MEGF8: variants seen among roughly 807,000 people sequenced by gnomAD.
The protein encoded by MEGF8 is multiple epidermal growth factor-like domains protein 8.
MEGF8 carries 156 observed loss-of-function variants against 302.9 expected under a neutral mutation model. The observed-to-expected ratio is 0.52, with a 90% CI of 0.45 to 0.59. The LOEUF (loss-of-function observed/expected upper bound fraction) is 0.59. Among genes scored for constraint, MEGF8 ranks in the 20% least tolerant of loss-of-function variants. MEGF8 has a pLI of 0.00. For missense variants in MEGF8, 3,345 were observed against 3,964.5 expected (o/e 0.84, Z 4.20); for synonymous variants, 1,621 against 1,660.5 (o/e 0.98, Z 0.58).
At position 42,353,400 on chromosome 19, in the gene MEGF8, C is replaced by A; in HGVS notation, c.3551-65C>A. 1 of 1,538,312 alleles carries A rather than the reference C, an allele frequency of 6.5e-7. No individual in the cohort carries two copies. Among genetic ancestry groups the A allele is most frequent in the Non-Finnish European group, 8.8e-7 (1 of 1,134,272 alleles). ...TGGGTGGGGTCAGGGTTTAGCTGAG[C>A]CAGTAGGCCTGGGCCTGTTTCCACC... is the stretch of plus-strand genomic sequence containing the variant. On this transcript the variant is annotated intron_variant, in intron 20 of 41. Transcript: ENST00000251268. This position sits in a 1 kb window ranked among gnomAD's most constrained non-coding sequence, Gnocchi z 6.1.
Position 42,354,474 on chromosome 19 carries a change from A to G in MEGF8, c.4012-114A>G, listed in dbSNP as rs1409898140. The G allele has an allele frequency of 1.6e-6, 2 of 1,220,888 alleles. No individual in the cohort carries two copies. Among genetic ancestry groups the G allele is most frequent in the East Asian group, 2.4e-5 (1 of 42,310 alleles). The allele number at this position is 1,220,888 out of a possible 1,614,324, so 75.6% of individuals were successfully genotyped here. ...GACAGTCTCCCCTGGATGTTCAAAC[A>G]GCCCATTTCCCAGTCTCAGATTGCC... On this transcript the variant is annotated intron_variant, in intron 22 of 41. Coordinates refer to ENST00000251268, the MANE Select transcript of MEGF8 (RefSeq NM_001271938.2). The surrounding 1 kb of genome is among the most constrained non-coding windows in gnomAD (Gnocchi z 4.3).
At position 42,358,241 on chromosome 19, in the gene MEGF8, C is replaced by G; in HGVS notation, c.5109C>G (p.Pro1703=). 2 of 1,604,856 alleles carry G rather than the reference C, an allele frequency of 1.2e-6. No individual in the cohort carries two copies. Among genetic ancestry groups the G allele is most frequent in the Non-Finnish European group, 1.7e-6 (2 of 1,176,218 alleles). ...ATGTGGAGCTGGCGGCCCCATCCCCCGAGCTCTACTCCCTGCACTGTCCTG... is the reference window on the plus strand; with the variant it reads ...ATGTGGAGCTGGCGGCCCCATCCCCGGAGCTCTACTCCCTGCACTGTCCTG... ...RFHVELAAPS[P]ELYSLHCPDR... The change falls in exon 29 of 42, where the codon CCC becomes CCG. Residue 1703 remains proline (P), a synonymous_variant. Transcript: ENST00000251268. The surrounding 1 kb of genome is among the most constrained non-coding windows in gnomAD (Gnocchi z 4.4).
Position 42,375,614 on chromosome 19 carries a change from C to A in MEGF8, c.7377C>A (p.Thr2459=). The A allele has an allele frequency of 6.2e-7, 1 of 1,606,824 alleles. No homozygotes were observed. Among genetic ancestry groups the A allele is most frequent in the Non-Finnish European group, 8.5e-7 (1 of 1,177,398 alleles). ...GCTGCCTGGACCCCACGTCCCAGACCAACTGCTTCCATGAGCCCAAACGCC... is the reference window on the plus strand; with the variant it reads ...GCTGCCTGGACCCCACGTCCCAGACAAACTGCTTCCATGAGCCCAAACGCC... ...QECCLDPTSQ[T]NCFHEPKRRA... Residue 2459 remains threonine (T), a synonymous_variant, in exon 42 of 42, where the codon ACC becomes ACA. Transcript: ENST00000251268. This position sits in a 1 kb window ranked among gnomAD's most constrained non-coding sequence, Gnocchi z 7.1.
rs1464438257 is a variant in MEGF8, at chr19:42,351,802, T to C, written c.3101+41T>C. The C allele has an allele frequency of 6.7e-7, 1 of 1,502,958 alleles. No individual in the cohort carries two copies. The highest frequency in any genetic ancestry group is 9.1e-7 in the Non-Finnish European group (1 of 1,103,670). 93.1% of individuals were successfully genotyped at this position (1,502,958 alleles called of 1,614,324 possible). A position where few individuals can be genotyped will look rare whatever the true frequency, so the allele number is the denominator to read the frequency against. Reference sequence around the variant, plus strand: ...TGGGTGGGCAGGGTGCCCGGCTGTGTCCTTCCTCCATGACCGGTCATTCTA... The same window carrying C: ...TGGGTGGGCAGGGTGCCCGGCTGTGCCCTTCCTCCATGACCGGTCATTCTA... On this transcript the variant is annotated intron_variant, in intron 18 of 41. Transcript: ENST00000251268. This position sits in a 1 kb window ranked among gnomAD's most constrained non-coding sequence, Gnocchi z 5.6.
At position 42,356,043 on chromosome 19, in the gene MEGF8, TGG is replaced by T. The variant is rs1208505187; in HGVS notation, c.4392+39_4393-38del. ...GAGGGCAAGTCTGGTGGGACAGGGC[TGG>T]TGATCAGGGCTCCCCTGAGTCCCTT... is the stretch of plus-strand genomic sequence containing the variant. On this transcript the variant is annotated intron_variant, in intron 24 of 41. Coordinates refer to ENST00000251268, the MANE Select transcript of MEGF8 (RefSeq NM_001271938.2). The surrounding 1 kb of genome is among the most constrained non-coding windows in gnomAD (Gnocchi z 5.2). 6.2e-7 allele frequency: 1 copy of T among 1,601,438 alleles called. No homozygotes were observed. Among genetic ancestry groups the T allele is most frequent in the Non-Finnish European group, 8.5e-7 (1 of 1,171,214 alleles).
intron 31 of MEGF8, among the ~76,000 whole-genome samples, chr19:42,359,939 C>T (rs557729906): frequency 6.6e-6 from 1 of 150,514 alleles, no homozygotes; most frequent in Non-Finnish European, 1.5e-5. Flanking sequence ...AAGCAGTCCA[C>T]CTGCCTCAGC....
chr19:42,353,923 T>G lies in MEGF8; in HGVS notation c.3910T>G (p.Trp1304Gly), dbSNP rs1429332615. 3 of 1,590,362 alleles carry G rather than the reference T, an allele frequency of 1.9e-6. No individual in the cohort carries two copies. The highest frequency in any genetic ancestry group is 1.1e-5 in the South Asian group (1 of 87,678). Reference sequence around the variant, plus strand: ...CGGGCCTGGCCTGTCCTACTGTGTGTGGGTTGTCTCGGCCACTGAGGAGCT... The same window carrying G: ...CGGGCCTGGCCTGTCCTACTGTGTGGGGGTTGTCTCGGCCACTGAGGAGCT... ...RAGPGLSYCVWVVSATEELQP... is the reference protein window; with the variant it reads ...RAGPGLSYCVGVVSATEELQP... The change falls in exon 22 of 42, where the codon TGG (tryptophan) becomes GGG (glycine). Residue 1304 changes from tryptophan (W) to glycine (G), a missense_variant. Coordinates refer to ENST00000251268, the MANE Select transcript of MEGF8 (RefSeq NM_001271938.2). This position sits in a 1 kb window ranked among gnomAD's most constrained non-coding sequence, Gnocchi z 6.1.
rs1307343226 is a variant in MEGF8, at chr19:42,336,368, C to T, written c.1244+22C>T. 6.4e-7 allele frequency: 1 copy of T among 1,564,602 alleles called. No individual in the cohort carries two copies. Among genetic ancestry groups the T allele is most frequent in the Non-Finnish European group, 8.6e-7 (1 of 1,156,082 alleles). On this transcript the variant is annotated intron_variant, in intron 6 of 41. Transcript: ENST00000251268. The surrounding 1 kb of genome is among the most constrained non-coding windows in gnomAD (Gnocchi z 4.8). ...CCCGGTAAGTGACCTGTCCCATAAC[C>T]CATGCTCCACAGGCCAGGCCCAGCT...
rs2039757542 is a variant in MEGF8, at chr19:42,375,731, G to A, written c.7494G>A (p.Gly2498=). ...GCCTGACGCTGGACGTGACCTTCGGGGCCGTGGACCTCTATGTCTCCACCT... is the reference window on the plus strand; with the variant it reads ...GCCTGACGCTGGACGTGACCTTCGGAGCCGTGGACCTCTATGTCTCCACCT... ...DIRLTLDVTF[G]AVDLYVSTSY... Residue 2498 remains glycine, a synonymous_variant, in exon 42 of 42, where the codon GGG becomes GGA. Transcript: ENST00000251268. The surrounding 1 kb of genome is among the most constrained non-coding windows in gnomAD (Gnocchi z 7.1). 1 of 1,612,168 alleles carries A rather than the reference G, an allele frequency of 6.2e-7. No homozygotes were observed. The highest frequency in any genetic ancestry group is 8.5e-7 in the Non-Finnish European group (1 of 1,179,520).
chr19:42,330,391 A>C (rs1183038050), intron 1 of MEGF8, among the ~76,000 whole-genome samples: 1 of 152,196 alleles, frequency 6.6e-6, no homozygotes, highest in Admixed American at 6.5e-5. Flanking sequence ...GGCCTCCAGC[A>C]GGCACTTAAC....
chr19:42,370,451 C>T, intron 39 of MEGF8, 92 bp downstream of exon 39: 1 of 1,212,654 alleles, frequency 8.2e-7, no homozygotes, highest in Non-Finnish European at 1.1e-6. Flanking sequence ...GACCTGGACC[C>T]TTGGGTTGAG....
intron 1 of MEGF8, among the ~76,000 whole-genome samples, chr19:42,328,017 C>A (rs1323353176): frequency 6.6e-6 from 1 of 152,178 alleles, no homozygotes; most frequent in Non-Finnish European, 1.5e-5. Context: ...ATCACTTGAA[C>A]CTGGAGGTTG....
In MEGF8 at chr19:42,369,137, C is replaced by T. The variant is rs1412672545; in HGVS notation, c.6641+135C>T. On this transcript the variant is annotated intron_variant, in intron 37 of 41. Transcript: ENST00000251268. This position sits in a 1 kb window ranked among gnomAD's most constrained non-coding sequence, Gnocchi z 5.7. ...AGGCATGAAGGCAGTGGGATTGATT[C>T]CTGAAGGTCAAGAGTGGTGAGGCTG... 1 of 1,211,320 alleles carries T rather than the reference C, an allele frequency of 8.3e-7. No homozygotes were observed. The highest frequency in any genetic ancestry group is 2.5e-5 in the East Asian group (1 of 39,780). The allele number at this position is 1,211,320 out of a possible 1,614,324, so 75.0% of individuals were successfully genotyped here.
chr19:42,333,654 A>G lies in MEGF8; in HGVS notation c.237A>G (p.Thr79=). The G allele has an allele frequency of 6.2e-7, 1 of 1,613,990 alleles. No individual in the cohort carries two copies. Among genetic ancestry groups the G allele is most frequent in the East Asian group, 2.2e-5 (1 of 44,872 alleles). The change falls in exon 2 of 42, where the codon ACA becomes ACG. Residue 79 remains threonine, a synonymous_variant. Coordinates refer to ENST00000251268, the MANE Select transcript of MEGF8 (RefSeq NM_001271938.2). ...TGCTGGACTTCCTTTTCCTGGACAC[A>G]GAGTGCACGTATGACTACCTGTTCG... ...RILLDFLFLD[T]ECTYDYLFVY...
Position 42,376,867 on chromosome 19 carries a change from T to C in MEGF8, c.*92T>C, listed in dbSNP as rs1600084028. On this transcript the variant is annotated 3_prime_UTR_variant, in exon 42 of 42. Coordinates refer to ENST00000251268, the MANE Select transcript of MEGF8 (RefSeq NM_001271938.2). The surrounding 1 kb of genome is among the most constrained non-coding windows in gnomAD (Gnocchi z 8.2). Reference sequence around the variant, plus strand: ...TCCACCTGGGGGCCCCTGGACACTGTCTACTTGGAGACCACTGGCCCCCTT... The same window carrying C: ...TCCACCTGGGGGCCCCTGGACACTGCCTACTTGGAGACCACTGGCCCCCTT... 1 of 1,352,246 alleles carries C rather than the reference T, an allele frequency of 7.4e-7. No individual in the cohort carries two copies. Among genetic ancestry groups the C allele is most frequent in the East Asian group, 2.7e-5 (1 of 36,376 alleles). The allele number at this position is 1,352,246 out of a possible 1,614,324, so 83.8% of individuals were successfully genotyped here.
Position 42,336,489 on chromosome 19 carries a change from T to A in MEGF8, c.1244+143T>A. ...CTTCCTTCATGTATTTACTTATTCC[T>A]TCGTTCACTCATTCATTCATTCACC... On this transcript the variant is annotated intron_variant, in intron 6 of 41. Coordinates refer to ENST00000251268, the MANE Select transcript of MEGF8 (RefSeq NM_001271938.2). This position sits in a 1 kb window ranked among gnomAD's most constrained non-coding sequence, Gnocchi z 4.8. The A allele has an allele frequency of 1.1e-6, 1 of 915,256 alleles. No individual in the cohort carries two copies. The highest frequency in any genetic ancestry group is 1.6e-6 in the Non-Finnish European group (1 of 628,658). 56.7% of individuals were successfully genotyped at this position (915,256 alleles called of 1,614,324 possible). A position where few individuals can be genotyped will look rare whatever the true frequency, so the allele number is the denominator to read the frequency against.
rs2038983733 is a variant in MEGF8 at position 42,326,368 on chromosome 19, G to C, written c.125G>C (p.Gly42Ala). The change falls in exon 1 of 42, where the codon GGC (glycine) becomes GCC (alanine). Residue 42 changes from glycine to alanine, a missense_variant. By Grantham distance (60) the Gly-to-Ala change is moderately conservative. Transcript: ENST00000251268. The part of the protein sequence containing the change: ...GQRQVLREAP[G>A]FVTDGAGNYS... ...CGGCAGGTGCTGCGGGAGGCGCCAGGCTTCGTGACGGATGGTGCGGGCAAC... is the reference window on the plus strand; with the variant it reads ...CGGCAGGTGCTGCGGGAGGCGCCAGCCTTCGTGACGGATGGTGCGGGCAAC... 3.1e-6 allele frequency: 5 copies of C among 1,588,944 alleles called. No homozygotes were observed. In the East Asian group the frequency reaches 1.2e-4, roughly 37 times the overall value.
intron 8 of MEGF8, among the ~76,000 whole-genome samples, chr19:42,337,506 CTTTT>C (rs908319656): frequency 2.2e-5 from 3 of 135,838 alleles, no homozygotes; most frequent in Admixed American, 7.4e-5. Flanking sequence ...CTTTTCTTTT[CTTTT>C]TTTTTTTTTT....
chr19:42,368,411 C>G lies in MEGF8; in HGVS notation c.6274-44C>G. ...ATGTGTTTGTTTAAGCTTATTTCCC[C>G]ATCTCTCTCTTCCCTGCATCCCCAT... On this transcript the variant is annotated intron_variant, in intron 35 of 41. Transcript: ENST00000251268. This position sits in a 1 kb window ranked among gnomAD's most constrained non-coding sequence, Gnocchi z 4.9. 1 of 1,471,866 alleles carries G rather than the reference C, an allele frequency of 6.8e-7. No homozygotes were observed. Among genetic ancestry groups the G allele is most frequent in the African/African-American group, 1.4e-5 (1 of 71,222 alleles). 91.2% of individuals were successfully genotyped at this position (1,471,866 alleles called of 1,614,324 possible). A position where few individuals can be genotyped will look rare whatever the true frequency, so the allele number is the denominator to read the frequency against.
Sources: gnomAD v4.1 joint callset for allele counts (sites outside exome capture counted in the v4.1 genomes callset) on GRCh38, gnomAD v4.1.1 for gene constraint, Gnocchi (gnomAD v3.1) non-coding constraint, MANE v1.5 for transcripts, NCBI Gene and HGNC (gene_info 2026-07-23, HGNC 2026-07-21) for gene names.